Variants in RAPGEF6 observed in about 807,000 individuals in gnomAD.
The protein encoded by RAPGEF6 is PDZ domain containing guanine nucleotide exchange factor (GEF) 2.
In RAPGEF6, 56 loss-of-function variants were observed where a neutral mutation model predicts 171.4. That is an observed-to-expected ratio of 0.33 (90% CI 0.26 to 0.41). RAPGEF6 has a LOEUF of 0.41. RAPGEF6 is among the 10% of genes least tolerant of loss of function. The pLI is 1.00. For synonymous variants in RAPGEF6, 692 were observed against 650.1 expected, an observed-to-expected ratio of 1.06 and a Z score of -0.98; for missense variants, 1,674 against 1,921.4, an observed-to-expected ratio of 0.87 and a Z score of 2.41.
chr5:131,536,954 C>T (rs900687111), intron 6 of RAPGEF6, among the ~76,000 whole-genome samples: 11 of 152,156 alleles, frequency 7.2e-5, no homozygotes, highest in Non-Finnish European at 1.6e-4. Context: ...TACGTCCCTT[C>T]TCTACTTTTA....
chr5:131,555,900 A>C (rs1761207499), intron 5 of RAPGEF6, among the ~76,000 whole-genome samples: 2 of 152,346 alleles, frequency 1.3e-5, no homozygotes, highest in South Asian at 4.1e-4. Context: ...GTGCACTTAC[A>C]CATAGACAGT....
In RAPGEF6 at chr5:131,455,931, A is replaced by G. The variant is rs147549876; in HGVS notation, c.2946T>C (p.Asp982=). The G allele has an allele frequency of 1.7e-4, 271 of 1,614,108 alleles. No individual in the cohort carries two copies. In the African/African-American group the frequency reaches 3.4e-3, roughly 20 times the overall value. Residue 982 remains aspartate, a synonymous_variant, in exon 20 of 28, where the codon GAT becomes GAC. Transcript: ENST00000509018. ...LPSKYEKHLQ[D]LQDIFDPSRN... ...TAGATGGATCAAAAATGTCTTGTAG[A>G]TCTTGAAGATGTTTCTCGTATTTGC...
intron 4 of RAPGEF6, among the ~76,000 whole-genome samples, chr5:131,587,585 G>A (rs1763327507): frequency 1.3e-5 from 2 of 152,142 alleles, no homozygotes; most frequent in South Asian, 4.1e-4. Flanking sequence ...GCTAAAACTA[G>A]AGAGTTGTTG....
chr5:131,486,044 G>C (rs1755865155), intron 15 of RAPGEF6, among the ~76,000 whole-genome samples: 1 of 152,202 alleles, frequency 6.6e-6, no homozygotes, highest in African/African-American at 2.4e-5. Context: ...TCTAAGTCCA[G>C]GGCCAAAACT....
intron 4 of RAPGEF6, among the ~76,000 whole-genome samples, chr5:131,564,586 T>G (rs1054839081): frequency 6.6e-6 from 1 of 151,966 alleles, no homozygotes; most frequent in Non-Finnish European, 1.5e-5. Flanking sequence ...TGACATAAAA[T>G]TCATGATGAC....
chr5:131,531,083 T>C (rs1457192187), intron 6 of RAPGEF6, among the ~76,000 whole-genome samples: 1 of 152,196 alleles, frequency 6.6e-6, no homozygotes, highest in Non-Finnish European at 1.5e-5. Context: ...TTTAAATGTC[T>C]TTCCAGAAGC....
intron 1 of RAPGEF6, among the ~76,000 whole-genome samples, chr5:131,607,269 C>T (rs989311986): frequency 2.6e-5 from 4 of 152,128 alleles, no homozygotes; most frequent in South Asian, 4.1e-4. Context: ...CTCAGAAGTA[C>T]GCAGAGGTAA....
intron 11 of RAPGEF6, among the ~76,000 whole-genome samples, chr5:131,499,089 C>T (rs1756836852): frequency 6.6e-6 from 1 of 152,170 alleles, no homozygotes; most frequent in African/African-American, 2.4e-5. Context: ...TCTGACCAGG[C>T]TGTAGGAAGA....
At chr5:131,489,767 A>T (rs1204930818) in intron 14 of RAPGEF6, 113 bp from the exon 15 acceptor site, 12 of 549,756 alleles carry the variant, frequency 2.2e-5, no homozygotes, top group Non-Finnish European at 3.4e-5. Flanking sequence ...ATGTACTCCT[A>T]TGTGAACAAC....
At chr5:131,435,742 T>C in intron 24 of RAPGEF6, 1 of 998,304 alleles carries the variant, frequency 1.0e-6, no homozygotes, top group Middle Eastern at 3.5e-4. Context: ...CAGTAGGAAA[T>C]AAAGTCAACT....
At position 131,424,898 on chromosome 5, in the gene RAPGEF6, A is replaced by T. The variant is rs1409402748; in HGVS notation, c.*2368T>A. On this transcript the variant is annotated 3_prime_UTR_variant, in exon 28 of 28. Transcript: ENST00000509018. The stretch of plus-strand genomic sequence containing the variant: ...CTCTTCATTAAGATTATAAATTTAT[A>T]AAACAAAAACAAATGGAGATCTGGA... 6.6e-6 allele frequency: 1 copy of T among 152,378 alleles called. No individual in the cohort carries two copies. The highest frequency in any genetic ancestry group is 1.5e-5 in the Non-Finnish European group (1 of 68,048). 9.4% of individuals were successfully genotyped at this position (152,378 alleles called of 1,614,324 possible).
Position 131,585,289 on chromosome 5 carries a change from TATACATACATACATACATAC to T in RAPGEF6, c.281+7074_281+7093del, listed in dbSNP as rs3058508. On this transcript the variant is annotated intron_variant, in intron 4 of 27. Coordinates refer to ENST00000509018, the MANE Select transcript of RAPGEF6 (RefSeq NM_016340.6). ...CTAGAAAATAAGAAAAAAAAAAAACTATACATACATACATACATACATACATACATACATACATACATACA... is the reference window on the plus strand; with the variant it reads ...CTAGAAAATAAGAAAAAAAAAAAACTATACATACATACATACATACATACA... 5.2e-3 allele frequency among the ~76,000 whole-genome samples: 705 copies of T among 135,030 alleles called. 9 individuals carry two copies. The highest frequency in any genetic ancestry group is 0.018 in the African/African-American group (616 of 34,318). The allele number at this position is 135,030 out of a possible 152,430, so 88.6% of individuals were successfully genotyped here.
In RAPGEF6 at chr5:131,508,140, T is replaced by C. The variant is rs748666558; in HGVS notation, c.873A>G (p.Glu291=). Residue 291 remains glutamate (E), a synonymous_variant, in exon 9 of 28, where the codon GAA becomes GAG. Transcript: ENST00000509018. ...FANMTMSVRR[E]LCSVMIFEVV... is the part of the protein sequence containing the mutation. ...CTTCAAAAATCATCACTGAGCAGAG[T>C]TCTCTCCTTACAGACATGGTCATGT... 2.1e-5 allele frequency: 34 copies of C among 1,613,318 alleles called. No homozygotes were observed. The South Asian group carries it at 3.5e-4, about 17-fold the overall frequency.
intron 20 of RAPGEF6, among the ~76,000 whole-genome samples, chr5:131,454,719 T>C (rs1753356723): frequency 6.6e-6 from 1 of 152,102 alleles, no homozygotes; most frequent in African/African-American, 2.4e-5. Flanking sequence ...TACAAAACCA[T>C]AGGTTTCAAG....
chr5:131,559,666 TAACAAC>T (rs10616741), intron 5 of RAPGEF6, among the ~76,000 whole-genome samples: 10 of 149,936 alleles, frequency 6.7e-5, no homozygotes, highest in African/African-American at 2.5e-4. Flanking sequence ...ACAAAAACAA[TAACAAC>T]AACAACAACA....
intron 1 of RAPGEF6, among the ~76,000 whole-genome samples, chr5:131,621,547 C>G (rs1299279789): frequency 6.6e-6 from 1 of 152,098 alleles, no homozygotes; most frequent in Non-Finnish European, 1.5e-5. Context: ...TCCACTTCAG[C>G]CCCCAATGTT....
intron 21 of RAPGEF6, among the ~76,000 whole-genome samples, chr5:131,451,632 TA>T (rs967263604): frequency 1.3e-5 from 2 of 150,544 alleles, no homozygotes; most frequent in African/African-American, 4.9e-5. Flanking sequence ...AGAAAACAAA[TA>T]AAAAAAAACC....
intron 9 of RAPGEF6, among the ~76,000 whole-genome samples, chr5:131,506,632 A>C (rs374453076): frequency 5.9e-5 from 9 of 152,178 alleles, no homozygotes; most frequent in East Asian, 5.8e-4. Context: ...TAAAAATAAG[A>C]TATACTCACT....
intron 24 of RAPGEF6, among the ~76,000 whole-genome samples, chr5:131,436,807 T>A (rs1752039013): frequency 6.6e-6 from 1 of 152,166 alleles, no homozygotes. Flanking sequence ...ATATAAATAG[T>A]ACATACAATA....
Sources: allele counts gnomAD v4.1 joint callset (sites outside exome capture counted in the v4.1 genomes callset), GRCh38; gene constraint gnomAD v4.1.1; transcripts MANE v1.5; gene names NCBI Gene and HGNC (gene_info 2026-07-23, HGNC 2026-07-21).